The following SLC5A8 variants were observed in gnomAD, a reference collection of about 807,000 sequenced individuals.
SLC5A8 encodes solute carrier family 5 member 8, also known as sodium-coupled monocarboxylate transporter 1.
Under a neutral mutation model 71.9 loss-of-function variants are expected in SLC5A8, and 55 were observed. The ratio of observed to expected loss-of-function variants is 0.77; its 90% CI spans 0.62 to 0.96. SLC5A8 has a LOEUF of 0.96. Ranked by LOEUF, SLC5A8 falls within the 40% of genes least tolerant of loss-of-function variation. SLC5A8 has a pLI of 0.00. For missense variants in SLC5A8, 701 were observed against 745.3 expected (o/e 0.94, Z 0.69); for synonymous variants, 307 against 276.1 (o/e 1.11, Z -1.11).
Position 101,180,089 on chromosome 12 carries a change from C to T in SLC5A8, c.1173G>A (p.Val391=). 2 of 1,614,092 alleles carry T rather than the reference C, an allele frequency of 1.2e-6. No individual in the cohort carries two copies. The highest frequency in any genetic ancestry group is 1.1e-5 in the South Asian group (1 of 91,068). ...CCATTCCAATACACAGGGCTCCATA[C>T]ACCACACCTAAATGGACAACATAAA... ...LSWISQGMSV[V]YGALCIGMAA... is the part of the protein sequence containing the mutation. Residue 391 remains valine, a synonymous_variant, in exon 10 of 15, where the codon GTG becomes GTA. Coordinates refer to ENST00000536262, the MANE Select transcript of SLC5A8 (RefSeq NM_145913.5).
In SLC5A8 at chr12:101,171,303, A is replaced by G. The variant is rs182130715; in HGVS notation, c.1234-3121T>C. On this transcript the variant is annotated intron_variant, in intron 10 of 14. Transcript: ENST00000536262. ...GAAATCCCCGGCCAGGTTGCTTCATACTGCTAAGTTTGACAGATAGGACTG... is the reference window on the plus strand; with the variant it reads ...GAAATCCCCGGCCAGGTTGCTTCATGCTGCTAAGTTTGACAGATAGGACTG... Among the ~76,000 whole-genome samples, 92 of 152,288 alleles carry G rather than the reference A, an allele frequency of 6.0e-4. 3 individuals are homozygous for G. In the East Asian group the frequency reaches 0.017, roughly 28 times the overall value.
rs564205716 is a variant in SLC5A8 at position 101,210,042 on chromosome 12, C to G, written c.-194G>C. The G allele has an allele frequency of 1.0e-5, 5 of 496,324 alleles. No individual in the cohort carries two copies. The South Asian group carries it at 2.0e-4, about 20-fold the overall frequency. The allele number at this position is 496,324 out of a possible 1,614,324, so 30.7% of individuals were successfully genotyped here. ...GAGGGCTGGCAGTCGCCCCTGCACCCGCCGCTGCGAGCCGCGCCCCTCAAA... is the reference window on the plus strand; with the variant it reads ...GAGGGCTGGCAGTCGCCCCTGCACCGGCCGCTGCGAGCCGCGCCCCTCAAA... On this transcript the variant is annotated 5_prime_UTR_variant, in exon 1 of 15. Transcript: ENST00000536262.
At chr12:101,201,489 A>G (rs1869452625) in intron 3 of SLC5A8, among the ~76,000 whole-genome samples, 1 of 152,220 alleles carries the variant, frequency 6.6e-6, no homozygotes, top group Non-Finnish European at 1.5e-5. Flanking sequence ...CGAATAGATA[A>G]GAATTCAAAG....
chr12:101,190,896 A>C (rs1868879056), intron 5 of SLC5A8, among the ~76,000 whole-genome samples: 1 of 152,170 alleles, frequency 6.6e-6, no homozygotes, highest in Non-Finnish European at 1.5e-5. Context: ...ATCTAAGGAA[A>C]CTGTCATTTA....
In SLC5A8 at chr12:101,162,434, C is replaced by T. The variant is rs1343008592; in HGVS notation, c.1527-357G>A. On this transcript the variant is annotated intron_variant, in intron 12 of 14. Transcript: ENST00000536262. The stretch of plus-strand genomic sequence containing the variant: ...AATAAATTGTTCTACCAAAAAGACA[C>T]GTGCACTTATATGTTCATCGCAGCA... Among the ~76,000 whole-genome samples the T allele has an allele frequency of 5.9e-5, 9 of 152,276 alleles. No homozygotes were observed. The South Asian group carries it at 8.3e-4, about 14-fold the overall frequency.
Position 101,187,501 on chromosome 12 carries a change from T to C in SLC5A8, c.848A>G (p.Asn283Ser), listed in dbSNP as rs1272000503. ...RFQAKLSLYINLVGLWAILTC... is the reference protein window; with the variant it reads ...RFQAKLSLYISLVGLWAILTC... ...GAGGATTGCCCAGAGTCCCACAAGA[T>C]TGATGTAGAGAGACCTAAAGAAGTG... The change falls in exon 7 of 15, where the codon AAT becomes AGT. Residue 283 changes from asparagine to serine, a missense_variant. Asn to Ser is a conservative substitution (Grantham distance 46). Coordinates refer to ENST00000536262, the MANE Select transcript of SLC5A8 (RefSeq NM_145913.5). 3 of 1,612,880 alleles carry C rather than the reference T, an allele frequency of 1.9e-6. No homozygotes were observed. Among genetic ancestry groups the C allele is most frequent in the East Asian group, 2.2e-5 (1 of 44,762 alleles).
chr12:101,157,132 T>G lies in SLC5A8; in HGVS notation c.*147A>C, dbSNP rs964287833. Reference sequence around the variant, plus strand: ...CAATTAATGATGTAGTAAATGAAGATAGTCCAGACTTTGTTTTAACAAAAA... The same window carrying G: ...CAATTAATGATGTAGTAAATGAAGAGAGTCCAGACTTTGTTTTAACAAAAA... On this transcript the variant is annotated 3_prime_UTR_variant, in exon 15 of 15. Transcript: ENST00000536262. The G allele has an allele frequency of 1.3e-6, 1 of 794,270 alleles. No individual in the cohort carries two copies. The highest frequency in any genetic ancestry group is 1.7e-5 in the African/African-American group (1 of 57,618). 49.2% of individuals were successfully genotyped at this position (794,270 alleles called of 1,614,324 possible).
rs1381719370 is a variant in SLC5A8 at position 101,210,137 on chromosome 12, C to G, written c.-289G>C. The G allele has an allele frequency of 3.8e-5, 15 of 397,648 alleles. No homozygotes were observed. Among genetic ancestry groups the G allele is most frequent in the Non-Finnish European group, 6.2e-5 (14 of 226,318 alleles). The allele number at this position is 397,648 out of a possible 1,614,324, so 24.6% of individuals were successfully genotyped here. On this transcript the variant is annotated 5_prime_UTR_variant, in exon 1 of 15. Transcript: ENST00000536262. ...TCACCACGTGAGGAACTGGAGTGGCCGAGTTCGCCAAGGCGCCGGGGACAC... is the reference window on the plus strand; with the variant it reads ...TCACCACGTGAGGAACTGGAGTGGCGGAGTTCGCCAAGGCGCCGGGGACAC...
chr12:101,169,485 A>T (rs996320691), intron 10 of SLC5A8, among the ~76,000 whole-genome samples: 3 of 152,178 alleles, frequency 2.0e-5, no homozygotes, highest in Admixed American at 2.0e-4. Flanking sequence ...TAATTCATTC[A>T]TTCATATAAT....
intron 5 of SLC5A8, among the ~76,000 whole-genome samples, chr12:101,191,055 C>A (rs1410236776): frequency 6.6e-6 from 1 of 152,160 alleles, no homozygotes; most frequent in Non-Finnish European, 1.5e-5. Flanking sequence ...CCTCTCCCAG[C>A]ACATGTAATC....
intron 2 of SLC5A8, among the ~76,000 whole-genome samples, chr12:101,202,470 A>G (rs1869497814): frequency 6.6e-6 from 1 of 152,152 alleles, no homozygotes; most frequent in South Asian, 2.1e-4. Flanking sequence ...GGACTTTTAT[A>G]TGGTGCTTAG....
At chr12:101,187,751 T>G (rs1868720485) in intron 6 of SLC5A8, among the ~76,000 whole-genome samples, 1 of 152,182 alleles carries the variant, frequency 6.6e-6, no homozygotes, top group Admixed American at 6.5e-5. Context: ...CATGAAAGAG[T>G]GTATGCTCGT....
intron 13 of SLC5A8, among the ~76,000 whole-genome samples, chr12:101,158,872 T>G (rs1241128795): frequency 2.0e-5 from 3 of 150,220 alleles, no homozygotes; most frequent in Non-Finnish European, 4.4e-5. Context: ...AATTCGGAAC[T>G]GCTGAATAAA....
chr12:101,180,146 G>C, intron 9 of SLC5A8, 50 bp from the exon 10 acceptor site: 1 of 1,555,296 alleles, frequency 6.4e-7, no homozygotes, highest in South Asian at 1.1e-5. Flanking sequence ...CAGAGAATTA[G>C]AATTCTCAAT....
Position 101,193,644 on chromosome 12 carries a change from C to T in SLC5A8, c.673G>A (p.Gly225Arg). Reference protein sequence around the residue: ...STILNDAYDGGRLNFWNFNPN... With the variant: ...STILNDAYDGRRLNFWNFNPN... ...ACTTACTTCCAGAAATTTAATCTTC[C>T]ACCATCATAGGCATCATTTAAAATA... is the stretch of plus-strand genomic sequence containing the variant. Residue 225 changes from glycine (G) to arginine (R), a missense_variant, in exon 5 of 15, where the codon GGA becomes AGA. Coordinates refer to ENST00000536262, the MANE Select transcript of SLC5A8 (RefSeq NM_145913.5). 1 of 1,613,322 alleles carries T rather than the reference C, an allele frequency of 6.2e-7. No homozygotes were observed. The highest frequency in any genetic ancestry group is 8.5e-7 in the Non-Finnish European group (1 of 1,179,660).
chr12:101,164,622 C>T (rs923997679), intron 12 of SLC5A8, among the ~76,000 whole-genome samples: 59 of 152,204 alleles, frequency 3.9e-4, no homozygotes, highest in African/African-American at 1.3e-3. Context: ...CTTCATTCTG[C>T]GACACACACT....
At position 101,209,821 on chromosome 12, in the gene SLC5A8, AGGTGCCGATGCCCCGTGGCGTGTCCAT is replaced by A. The variant is rs1869849557; in HGVS notation, c.1_27del (p.MetAspThrProArgGlyIleGlyThr1_?9). 1.3e-6 allele frequency: 2 copies of A among 1,579,368 alleles called. No homozygotes were observed. Among genetic ancestry groups the A allele is most frequent in the African/African-American group, 2.7e-5 (2 of 74,246 alleles). ...AACACCACGTAGTCCCACACCACGA[AGGTGCCGATGCCCCGTGGCGTGTCCAT>A]GGCCGCACGGTCGCCTGAGCCCTGC... On this transcript the variant is annotated start_lost and inframe_deletion, in exon 1 of 15. Transcript: ENST00000536262.
intron 7 of SLC5A8, among the ~76,000 whole-genome samples, chr12:101,185,821 G>C (rs1868611925): frequency 1.3e-5 from 2 of 152,032 alleles, no homozygotes; most frequent in African/African-American, 4.8e-5. Flanking sequence ...CAAGTGATTT[G>C]CCTGCCTCAG....
chr12:101,187,680 T>C (rs182120301), intron 6 of SLC5A8, among the ~76,000 whole-genome samples, 165 bp from the exon 7 acceptor site: 6 of 152,346 alleles, frequency 3.9e-5, no homozygotes, highest in Non-Finnish European at 7.3e-5. Flanking sequence ...CCTAATATTC[T>C]GCTTATGATA....
Sources: allele counts gnomAD v4.1 joint callset (sites outside exome capture counted in the v4.1 genomes callset), GRCh38; gene constraint gnomAD v4.1.1; transcripts MANE v1.5; gene names NCBI Gene and HGNC (gene_info 2026-07-23, HGNC 2026-07-21).